Variants in FOXM1 observed in about 807,000 individuals in gnomAD.
The protein encoded by FOXM1 is forkhead box protein M1.
FOXM1 carries 25 observed loss-of-function variants against 63.6 expected under a neutral mutation model. The ratio of observed to expected loss-of-function variants is 0.39; its 90% CI spans 0.29 to 0.55. The LOEUF (loss-of-function observed/expected upper bound fraction) is 0.55. FOXM1 is among the 20% of genes least tolerant of loss of function. FOXM1 has a pLI of 0.60. For missense variants in FOXM1, 879 were observed against 958.7 expected (o/e 0.92, Z 1.10); for synonymous variants, 387 against 376.9 (o/e 1.03, Z -0.31).
chr12:2,862,295 T>C (rs1158984805), intron 8 of FOXM1, among the ~76,000 whole-genome samples: 1 of 152,128 alleles, frequency 6.6e-6, no homozygotes, highest in Non-Finnish European at 1.5e-5. Context: ...ACATGTATAG[T>C]ATAACTAAGA....
In FOXM1 at chr12:2,874,323, C is replaced by G; in HGVS notation, c.156G>C (p.Glu52Asp). The G allele has an allele frequency of 1.2e-6, 2 of 1,614,154 alleles. No homozygotes were observed. Among genetic ancestry groups the G allele is most frequent in the South Asian group, 2.2e-5 (2 of 91,086 alleles). ...NQAEASKEVA[E>D]SNSCKFPAGI... ...CAGCTGGAAACTTGCAAGAGTTGGA[C>G]TCTGCCACTTCCTTGGAGGCCTCTG... The change falls in exon 2 of 9, where the codon GAG (glutamate) becomes GAC (aspartate). Residue 52 changes from glutamate to aspartate, a missense_variant. Physicochemically the swap from Glu to Asp is conservative, Grantham distance 45. Coordinates refer to ENST00000359843, the MANE Select transcript of FOXM1 (RefSeq NM_021953.4). The surrounding 1 kb of genome is among the most constrained non-coding windows in gnomAD (Gnocchi z 4.3).
intron 1 of FOXM1, 96 bp downstream of exon 1, chr12:2,876,824 C>T (rs2098145353): frequency 6.5e-6 from 1 of 152,924 alleles, no homozygotes; most frequent in Non-Finnish European, 1.5e-5. Flanking sequence ...GTGGCCCGTG[C>T]CCTGCTGCTA....
chr12:2,861,780 A>G (rs866920955), intron 8 of FOXM1, among the ~76,000 whole-genome samples: 1 of 152,360 alleles, frequency 6.6e-6, no homozygotes, highest in Middle Eastern at 3.4e-3. Flanking sequence ...TGGCTGAAAA[A>G]TCTGTGGTGT....
intron 3 of FOXM1, among the ~76,000 whole-genome samples, chr12:2,871,279 A>G (rs1485475365): frequency 6.6e-6 from 1 of 152,052 alleles, no homozygotes; most frequent in East Asian, 1.9e-4. Context: ...GATGTGTTAT[A>G]TTGGTAACTG....
chr12:2,865,235 G>A, intron 6 of FOXM1, 120 bp downstream of exon 6: 1 of 913,010 alleles, frequency 1.1e-6, no homozygotes, highest in African/African-American at 1.7e-5. Flanking sequence ...CTGGCACCTA[G>A]ACAAAACATG....
Position 2,858,641 on chromosome 12 carries a change from C to A in FOXM1, c.2289G>T (p.Gln763His), listed in dbSNP as rs1466511452. The change falls in exon 9 of 9, where the codon CAG becomes CAT. Residue 763 changes from glutamine (Q) to histidine (H), a missense_variant. Physicochemically the swap from Gln to His is conservative, Grantham distance 24. Coordinates refer to ENST00000359843, the MANE Select transcript of FOXM1 (RefSeq NM_021953.4). ...INWSQFIPELQ is the reference protein window; with the variant it reads ...INWSQFIPELH ...GCACAGGGGCAAGGGCAGGGCTCTA[C>A]TGTAGCTCAGGAATAAACTGGGACC... is the stretch of plus-strand genomic sequence containing the variant. 1.2e-6 allele frequency: 2 copies of A among 1,613,346 alleles called. No individual in the cohort carries two copies. The highest frequency in any genetic ancestry group is 2.7e-5 in the African/African-American group (2 of 74,930).
chr12:2,858,683 G>A lies in FOXM1; in HGVS notation c.2247C>T (p.Gly749=). ...ACTGGGACCAGTTGATGTTGTCAGG[G>A]CCCAGTGGGTCCTCGTCCAGGCCAG... ...SFPGLDEDPL[G]PDNINWSQFI... Residue 749 remains glycine, a synonymous_variant, in exon 9 of 9, where the codon GGC becomes GGT. Transcript: ENST00000359843. The A allele has an allele frequency of 6.2e-7, 1 of 1,614,160 alleles. No homozygotes were observed. The highest frequency in any genetic ancestry group is 8.5e-7 in the Non-Finnish European group (1 of 1,180,008).
rs544627443 is a variant in FOXM1, at chr12:2,859,202, C to A, written c.1728G>T (p.Pro576=). 2 of 1,611,816 alleles carry A rather than the reference C, an allele frequency of 1.2e-6. No homozygotes were observed. Among genetic ancestry groups the A allele is most frequent in the South Asian group, 2.2e-5 (2 of 91,050 alleles). Residue 576 remains proline (P), a synonymous_variant, in exon 9 of 9, where the codon CCG becomes CCT. Coordinates refer to ENST00000359843, the MANE Select transcript of FOXM1 (RefSeq NM_021953.4). ...CAGGGTCAGAGGAGTCTGCTGGGAA[C>A]GGGAGCTCTGCGGCCCAGCGGGAAG... ...PSTSRWAAEL[P]FPADSSDPAS...
Position 2,859,481 on chromosome 12 carries a change from G to A in FOXM1, c.1449C>T (p.Pro483=). The A allele has an allele frequency of 1.9e-6, 3 of 1,613,962 alleles. No homozygotes were observed. The highest frequency in any genetic ancestry group is 1.7e-6 in the Non-Finnish European group (2 of 1,180,002). ...LARPIKVESP[P]LEEWPSPAPS... ...GGGCCGGGGAGGGCCACTCTTCCAA[G>A]GGAGGGCTCTCCACTTTGATGGGTC... The change falls in exon 9 of 9, where the codon CCC becomes CCT. Residue 483 remains proline (P), a synonymous_variant. Coordinates refer to ENST00000359843, the MANE Select transcript of FOXM1 (RefSeq NM_021953.4).
intron 5 of FOXM1, among the ~76,000 whole-genome samples, 190 bp from the exon 6 acceptor site, chr12:2,865,589 C>A (rs1351757640): frequency 6.7e-6 from 1 of 148,638 alleles, no homozygotes; most frequent in Non-Finnish European, 1.5e-5. Context: ...AAAATAACTT[C>A]TTTCTGAAAA....
chr12:2,875,911 C>T lies in FOXM1; in HGVS notation c.-48+1009G>A, dbSNP rs552592510. ...GAGTAGCTGCAATTACAGGCATGCA[C>T]CACCATGCCCAGCTAATTTTTTTTT... is the stretch of plus-strand genomic sequence containing the variant. On this transcript the variant is annotated intron_variant, in intron 1 of 8. Coordinates refer to ENST00000359843, the MANE Select transcript of FOXM1 (RefSeq NM_021953.4). Among the ~76,000 whole-genome samples the T allele has an allele frequency of 1.0e-3, 148 of 148,582 alleles. 1 individual carries two copies. The highest frequency in any genetic ancestry group is 3.5e-3 in the African/African-American group (139 of 39,468).
At chr12:2,869,992 CTT>C (rs1183668823) in intron 3 of FOXM1, among the ~76,000 whole-genome samples, 23 of 142,028 alleles carry the variant, frequency 1.6e-4, no homozygotes, top group East Asian at 2.0e-4. Flanking sequence ...TAAATTTTCA[CTT>C]TTTTTTTTTT....
chr12:2,858,924 G>C lies in FOXM1; in HGVS notation c.2006C>G (p.Pro669Arg), dbSNP rs28919869. 4,907 of 1,613,808 alleles carry C rather than the reference G, an allele frequency of 3.0e-3. 82 individuals carry two copies. In the African/African-American group the frequency reaches 0.047, roughly 16 times the overall value. The change falls in exon 9 of 9, where the codon CCC becomes CGC. Residue 669 changes from proline to arginine, a missense_variant. By Grantham distance (103) the Pro-to-Arg change is moderately radical. This residue lies in a region of FOXM1 where 486 missense variants were observed against 453.5 expected (regional missense o/e 1.07). Transcript: ENST00000359843. ...LSTTPLQSAP[P>R]LESPQRLLSS... ...GAGGAGCCTTTGCGGTGATTCAAGG[G>C]GGGGAGCACTTTGCAAGGGAGTGGT...
rs753503113 is a variant in FOXM1 at position 2,868,569 on chromosome 12, G to T, written c.840C>A (p.Gly280=). ...TTGCTGTGGGACACATTACCTTCCAGCCTGGCTTGGCAATGTGCTTAAAGT... is the reference window on the plus strand; with the variant it reads ...TTGCTGTGGGACACATTACCTTCCATCCTGGCTTGGCAATGTGCTTAAAGT... ...FPYFKHIAKP[G]WKNSIRHNLS... is the part of the protein sequence containing the mutation. The change falls in exon 4 of 9, where the codon GGC becomes GGA. Residue 280 remains glycine (G), a synonymous_variant. Coordinates refer to ENST00000359843, the MANE Select transcript of FOXM1 (RefSeq NM_021953.4). 6.2e-7 allele frequency: 1 copy of T among 1,608,730 alleles called. No homozygotes were observed. The highest frequency in any genetic ancestry group is 8.5e-7 in the Non-Finnish European group (1 of 1,176,972).
rs141865704 is a variant in FOXM1 at position 2,863,444 on chromosome 12, A to T, written c.1266+876T>A. On this transcript the variant is annotated intron_variant, in intron 8 of 8. Transcript: ENST00000359843. ...CTCACTGTTGCCCAGGCTGGAGTGC[A>T]GTGGTGCAAACAGGGCTCACTGCAG... Among the ~76,000 whole-genome samples, 14 of 152,182 alleles carry T rather than the reference A, an allele frequency of 9.2e-5. No individual in the cohort carries two copies. The East Asian group carries it at 2.7e-3, about 30-fold the overall frequency.
At chr12:2,871,605 C>T (rs1027159784) in intron 3 of FOXM1, among the ~76,000 whole-genome samples, 1 of 151,842 alleles carries the variant, frequency 6.6e-6, no homozygotes, top group Non-Finnish European at 1.5e-5. Flanking sequence ...AGAGCCATGA[C>T]TGCACCATTG....
intron 6 of FOXM1, among the ~76,000 whole-genome samples, chr12:2,865,125 C>T (rs535495810): frequency 6.6e-6 from 1 of 152,308 alleles, no homozygotes; most frequent in East Asian, 1.9e-4. Flanking sequence ...CAGCATGCTC[C>T]CCTGCTGTGC....
At chr12:2,875,702 G>A (rs942001518) in intron 1 of FOXM1, among the ~76,000 whole-genome samples, 2 of 150,774 alleles carry the variant, frequency 1.3e-5, no homozygotes, top group Non-Finnish European at 2.9e-5. Context: ...ACACTAAGGT[G>A]GTTCTGAAAT....
In FOXM1 at chr12:2,864,978, G is replaced by A. The variant is rs757235591; in HGVS notation, c.1021-226C>T. 7.0e-5 allele frequency: 42 copies of A among 603,602 alleles called. No homozygotes were observed. Among genetic ancestry groups the A allele is most frequent in the Middle Eastern group, 4.4e-4 (1 of 2,284 alleles). 37.4% of individuals were successfully genotyped at this position (603,602 alleles called of 1,614,324 possible). On this transcript the variant is annotated intron_variant, in intron 6 of 8. Transcript: ENST00000359843. This position sits in a 1 kb window ranked among gnomAD's most constrained non-coding sequence, Gnocchi z 5.1. ...CACATGATGGCAGAGTGGCACTACC[G>A]CTTCACCCACGTGTCCTCAACACCC...
Sources: allele counts gnomAD v4.1 joint callset (sites outside exome capture counted in the v4.1 genomes callset), GRCh38; gene constraint gnomAD v4.1.1; regional missense constraint gnomAD v4.1.1; non-coding constraint Gnocchi (gnomAD v3.1); transcripts MANE v1.5; gene names NCBI Gene and HGNC (gene_info 2026-07-23, HGNC 2026-07-21).